The following AXIN2 variants were observed in gnomAD, a reference collection of about 807,000 sequenced individuals.
AXIN2 encodes axin 2.
A neutral mutation model predicts 74.7 loss-of-function variants in AXIN2; 21 were observed. The ratio of observed to expected loss-of-function variants is 0.28; its 90% CI spans 0.20 to 0.40. AXIN2 has a LOEUF of 0.40. Among genes scored for constraint, AXIN2 ranks in the 10% least tolerant of loss-of-function variants. The probability of loss-of-function intolerance (pLI) is 1.00; values close to 1 mark genes in which losing one functional copy is unlikely to be tolerated. For missense variants in AXIN2, 1,144 were observed against 1,111.1 expected (o/e 1.03, Z -0.42); for synonymous variants, 532 against 454.9 (o/e 1.17, Z -2.16).
chr17:65,561,062 T>C (rs1281560308), intron 1 of AXIN2: 1 of 148,506 alleles, frequency 6.7e-6, no homozygotes, highest in East Asian at 2.0e-4. Context: ...GCCCCTTTTA[T>C]GCAAAAGATC....
At chr17:65,536,827 C>G in intron 7 of AXIN2, 42 bp downstream of exon 7, 1 of 1,611,132 alleles carries the variant, frequency 6.2e-7, no homozygotes, top group Non-Finnish European at 8.5e-7. Context: ...GTACTGAGTG[C>G]CCATGACCCT....
chr17:65,537,894 T>G, intron 5 of AXIN2, 59 bp from the exon 6 acceptor site: 1 of 1,494,168 alleles, frequency 6.7e-7, no homozygotes, highest in Non-Finnish European at 8.9e-7. Flanking sequence ...CCAGAGGCCC[T>G]GGGGTTGCAA....
Position 65,533,926 on chromosome 17 carries a change from T to C in AXIN2, c.2391A>G (p.Lys797=), listed in dbSNP as rs775408790. Residue 797 remains lysine (K), a synonymous_variant, in exon 10 of 11, where the codon AAA becomes AAG. Coordinates refer to ENST00000307078, the MANE Select transcript of AXIN2 (RefSeq NM_004655.4). Reference sequence around the variant, plus strand: ...AGGACTCTTACCTATAATTTCCCTTTTTGCTGAGCTGCTCTTTAAAGTGGC... The same window carrying C: ...AGGACTCTTACCTATAATTTCCCTTCTTGCTGAGCTGCTCTTTAAAGTGGC... ...TLGHFKEQLS[K]KGNYRYYFKK... 1 of 1,614,086 alleles carries C rather than the reference T, an allele frequency of 6.2e-7. No individual in the cohort carries two copies. The highest frequency in any genetic ancestry group is 1.7e-5 in the Admixed American group (1 of 60,018).
At chr17:65,533,230 C>T (rs2043853448) in intron 10 of AXIN2, among the ~76,000 whole-genome samples, 1 of 152,218 alleles carries the variant, frequency 6.6e-6, no homozygotes, top group Non-Finnish European at 1.5e-5. Context: ...GAAGCCCCTG[C>T]AGGGGAGAAG....
Position 65,537,639 on chromosome 17 carries a change from G to A in AXIN2, c.1397C>T (p.Ser466Phe), listed in dbSNP as rs1064793954. 1.3e-6 allele frequency: 2 copies of A among 1,578,888 alleles called. No individual in the cohort carries two copies. The highest frequency in any genetic ancestry group is 1.7e-6 in the Non-Finnish European group (2 of 1,164,862). ...ATGGTGGTGGTGGTGGTGGTCCGGG[G>A]AGCGGGAGCGGGGGCTATAGCGGCC... ...GVGRYSPRSR[S>F]PDHHHHHHSQ... The change falls in exon 6 of 11, where the codon TCC (serine) becomes TTC (phenylalanine). Residue 466 changes from serine to phenylalanine, a missense_variant. Ser to Phe is a radical substitution (Grantham distance 155). Coordinates refer to ENST00000307078, the MANE Select transcript of AXIN2 (RefSeq NM_004655.4).
At chr17:65,536,255 C>T in intron 8 of AXIN2, 65 bp downstream of exon 8, 6 of 1,501,960 alleles carry the variant, frequency 4.0e-6, no homozygotes, top group Non-Finnish European at 5.4e-6. Flanking sequence ...CCCCATTAGC[C>T]ACAGACCAGG....
chr17:65,554,042 G>A (rs2044232080), intron 2 of AXIN2, among the ~76,000 whole-genome samples: 1 of 151,896 alleles, frequency 6.6e-6, no homozygotes, highest in Admixed American at 6.6e-5. Flanking sequence ...AGGGTTTTCA[G>A]CCTGCAGGTG....
In AXIN2 at chr17:65,538,480, G is replaced by T; in HGVS notation, c.1060-137C>A. 3.5e-6 allele frequency: 4 copies of T among 1,137,116 alleles called. No individual in the cohort carries two copies. The South Asian group carries it at 6.1e-5, about 17-fold the overall frequency. The allele number at this position is 1,137,116 out of a possible 1,614,324, so 70.4% of individuals were successfully genotyped here. ...TGTAGAGTGGATGGCAAGGCGGCCT[G>T]GGCTGCTCGGGACTTTTATGCGCTA... On this transcript the variant is annotated intron_variant, in intron 4 of 10. Transcript: ENST00000307078.
chr17:65,560,409 G>C (rs1474564316), intron 1 of AXIN2: 1 of 151,418 alleles, frequency 6.6e-6, no homozygotes, highest in Non-Finnish European at 1.5e-5. Flanking sequence ...GAGAGGATGG[G>C]GCGGAGGAGA....
chr17:65,557,038 T>C (rs930644954), intron 2 of AXIN2, among the ~76,000 whole-genome samples: 3 of 152,154 alleles, frequency 2.0e-5, no homozygotes, highest in Non-Finnish European at 4.4e-5. Context: ...CTATTTGTCT[T>C]TGAAGCCTCA....
chr17:65,560,678 C>G (rs1037682680), intron 1 of AXIN2: 1 of 151,774 alleles, frequency 6.6e-6, no homozygotes, highest in African/African-American at 2.4e-5. Flanking sequence ...CCCGGCCAAG[C>G]CCCCCGGAAC....
chr17:65,532,414 A>G (rs2043837457), intron 10 of AXIN2, among the ~76,000 whole-genome samples: 1 of 152,144 alleles, frequency 6.6e-6, no homozygotes, highest in Non-Finnish European at 1.5e-5. Flanking sequence ...GTGTCTTTTC[A>G]AGATAAAAGC....
chr17:65,536,985 T>C lies in AXIN2; in HGVS notation c.1791A>G (p.Gly597=), dbSNP rs2144450551. ...EPGLALPARE[G]GAPGGAGALQ... is the part of the protein sequence containing the mutation. ...GGGCCCCAGCTCCGCCGGGGGCCCC[T>C]CCTTCCCTGGCGGGCAGGGCCAGGC... The change falls in exon 7 of 11, where the codon GGA becomes GGG. Residue 597 remains glycine, a synonymous_variant. Transcript: ENST00000307078. 6.2e-7 allele frequency: 1 copy of C among 1,612,682 alleles called. No individual in the cohort carries two copies. The highest frequency in any genetic ancestry group is 8.5e-7 in the Non-Finnish European group (1 of 1,179,842).
intron 3 of AXIN2, among the ~76,000 whole-genome samples, chr17:65,547,172 G>C (rs995209038): frequency 2.0e-5 from 3 of 152,034 alleles, no homozygotes; most frequent in African/African-American, 7.3e-5. Context: ...GAAGTAAATG[G>C]GGAGGCTGCA....
At chr17:65,535,507 A>G (rs2043894522) in intron 9 of AXIN2, 119 bp downstream of exon 9, 1 of 962,172 alleles carries the variant, frequency 1.0e-6, no homozygotes, top group Admixed American at 2.0e-5. Context: ...CACTAGCGCT[A>G]AAATCAAAGT....
intron 4 of AXIN2, 109 bp from the exon 5 acceptor site, chr17:65,538,452 G>T (rs771628301): frequency 5.9e-5 from 87 of 1,464,206 alleles, no homozygotes; most frequent in Non-Finnish European, 7.5e-5. Context: ...ACCCATGTTC[G>T]GGTGTAGAGT....
At chr17:65,560,104 C>G (rs1444126970) in intron 1 of AXIN2, 1 of 152,008 alleles carries the variant, frequency 6.6e-6, no homozygotes, top group African/African-American at 2.4e-5. Flanking sequence ...GCGCCCCGAG[C>G]CCGGGCGGGG....
At chr17:65,552,357 C>G (rs1460271825) in intron 2 of AXIN2, among the ~76,000 whole-genome samples, 1 of 152,178 alleles carries the variant, frequency 6.6e-6, no homozygotes, top group East Asian at 1.9e-4. Context: ...TGAAATCACC[C>G]AAGTCTTTAA....
chr17:65,540,554 T>C (rs2044026173), intron 4 of AXIN2, among the ~76,000 whole-genome samples: 1 of 152,170 alleles, frequency 6.6e-6, no homozygotes. Flanking sequence ...ACCTCTCACA[T>C]AGTTGGGATG....
Sources: gnomAD v4.1 joint callset for allele counts (sites outside exome capture counted in the v4.1 genomes callset) on GRCh38, gnomAD v4.1.1 for gene constraint, MANE v1.5 for transcripts, NCBI Gene and HGNC (gene_info 2026-07-23, HGNC 2026-07-21) for gene names.